SLC12A1: variants seen among roughly 807,000 people sequenced by gnomAD.
SLC12A1 encodes Na-K-2Cl cotransporter.
SLC12A1 carries 89 observed loss-of-function variants against 130.4 expected under a neutral mutation model. The observed-to-expected ratio is 0.68, with a 90% CI of 0.58 to 0.81. SLC12A1 has a LOEUF of 0.81. Ranked by LOEUF, SLC12A1 falls within the 40% of genes least tolerant of loss-of-function variation. The pLI is 0.00. For missense variants in SLC12A1, 1,310 were observed against 1,336.4 expected, an observed-to-expected ratio of 0.98 and a Z score of 0.31; for synonymous variants, 499 against 460.0, an observed-to-expected ratio of 1.08 and a Z score of -1.09.
rs1007696147 is a variant in SLC12A1, at chr15:48,207,526, A to T, written c.-186-8A>T. 1.8e-5 allele frequency: 8 copies of T among 434,468 alleles called. No individual in the cohort carries two copies. The highest frequency in any genetic ancestry group is 3.2e-5 in the Non-Finnish European group (8 of 251,830). 26.9% of individuals were successfully genotyped at this position (434,468 alleles called of 1,614,324 possible). ...TGGAACAAGTTTAATTTTCTTTTTC[A>T]ATGACAGCTTTGAAGAACATCCTGA... On this transcript the variant is annotated splice_polypyrimidine_tract_variant and splice_region_variant and intron_variant, in intron 1 of 26. Transcript: ENST00000380993.
In SLC12A1 at chr15:48,251,775, GATA is replaced by G. The variant is rs1566841777; in HGVS notation, c.1942+8_1942+10del. On this transcript the variant is annotated splice_donor_region_variant and intron_variant, in intron 15 of 26. Transcript: ENST00000380993. ...ATGTGACTTGTAAGAAGCCAGGTAA[GATA>G]ATGACTGTCTGGAATAGCGTTTCCA... 1 of 1,612,806 alleles carries G rather than the reference GATA, an allele frequency of 6.2e-7. No individual in the cohort carries two copies. Among genetic ancestry groups the G allele is most frequent in the Non-Finnish European group, 8.5e-7 (1 of 1,179,154 alleles).
intron 2 of SLC12A1, among the ~76,000 whole-genome samples, chr15:48,219,191 C>T (rs922353657): frequency 6.6e-6 from 1 of 152,196 alleles, no homozygotes; most frequent in Non-Finnish European, 1.5e-5. Context: ...ACATTCTTGT[C>T]ATCATCCAGT....
In SLC12A1 at chr15:48,271,766, G is replaced by A. The variant is rs2041901315; in HGVS notation, c.2402+2002G>A. Among the ~76,000 whole-genome samples, 5 of 152,088 alleles carry A rather than the reference G, an allele frequency of 3.3e-5. No individual in the cohort carries two copies. In the South Asian group the frequency reaches 1.0e-3, roughly 32 times the overall value. ...AGTTCAGTAAGTTAAGGCTAAACCA[G>A]GTGATCGGGATCAGAATTTTACCAG... On this transcript the variant is annotated intron_variant, in intron 19 of 26. Coordinates refer to ENST00000380993, the MANE Select transcript of SLC12A1 (RefSeq NM_000338.3).
chr15:48,220,527 T>C (rs2041198462), intron 2 of SLC12A1, 107 bp from the exon 3 acceptor site: 1 of 1,106,662 alleles, frequency 9.0e-7, no homozygotes, highest in Non-Finnish European at 1.3e-6. Context: ...TGGGGGTTTT[T>C]TGGTATTTTA....
At chr15:48,274,528 A>G (rs1269697745) in intron 19 of SLC12A1, 43 bp from the exon 20 acceptor site, 3 of 1,298,242 alleles carry the variant, frequency 2.3e-6, no homozygotes, top group Non-Finnish European at 3.3e-6. Flanking sequence ...TTGAGGATTA[A>G]AAGAGCCATT....
chr15:48,275,753 T>C lies in SLC12A1; in HGVS notation c.2485+1100T>C, dbSNP rs150789119. Among the ~76,000 whole-genome samples the C allele has an allele frequency of 9.2e-4, 140 of 152,202 alleles. 1 individual carries two copies. The highest frequency in any genetic ancestry group is 3.3e-3 in the African/African-American group (136 of 41,542). On this transcript the variant is annotated intron_variant, in intron 20 of 26. Coordinates refer to ENST00000380993, the MANE Select transcript of SLC12A1 (RefSeq NM_000338.3). ...GAATTGAAAAGTAGGAAGCCGACAA[T>C]AGTAAAATATGGGGCTGCCACTATA...
intron 25 of SLC12A1, among the ~76,000 whole-genome samples, chr15:48,300,279 C>T (rs551787048): frequency 1.0e-4 from 15 of 150,586 alleles, no homozygotes; most frequent in Middle Eastern, 3.4e-3. Context: ...GAGCTGAGCT[C>T]GTGCCACTGT....
chr15:48,250,686 A>ACT (rs927188511), intron 14 of SLC12A1, among the ~76,000 whole-genome samples: 11 of 151,694 alleles, frequency 7.3e-5, no homozygotes, highest in African/African-American at 2.7e-4. Context: ...TCACACACAC[A>ACT]CACACACACA....
At chr15:48,215,219 A>G (rs2041105791) in intron 2 of SLC12A1, among the ~76,000 whole-genome samples, 1 of 152,154 alleles carries the variant, frequency 6.6e-6, no homozygotes, top group Non-Finnish European at 1.5e-5. Flanking sequence ...ATTAAATAAA[A>G]TAATTTAATC....
chr15:48,239,547 T>TAAATA (rs1555466502), intron 9 of SLC12A1, among the ~76,000 whole-genome samples: 78 of 148,558 alleles, frequency 5.3e-4, no homozygotes, highest in Non-Finnish European at 1.8e-4. Flanking sequence ...AATAAATAAA[T>TAAATA]AATAATGTCT....
At chr15:48,247,116 A>T (rs1183401002) in intron 12 of SLC12A1, 100 bp downstream of exon 12, 2 of 1,096,370 alleles carry the variant, frequency 1.8e-6, no homozygotes, top group Admixed American at 1.8e-5. Context: ...ATTTTCCATC[A>T]TTTTCTGAAA....
chr15:48,232,307 A>G (rs560087872), intron 7 of SLC12A1, among the ~76,000 whole-genome samples: 1 of 152,350 alleles, frequency 6.6e-6, no homozygotes, highest in African/African-American at 2.4e-5. Flanking sequence ...TGTATTCATC[A>G]TTCTGCATTC....
chr15:48,227,266 A>C (rs1010934857), intron 5 of SLC12A1: 3 of 969,168 alleles, frequency 3.1e-6, no homozygotes, highest in Non-Finnish European at 4.8e-6. Context: ...ACATATTGCT[A>C]ATTAGTCCCC....
At chr15:48,302,254 A>T (rs192883285) in intron 26 of SLC12A1, among the ~76,000 whole-genome samples, 1 of 152,216 alleles carries the variant, frequency 6.6e-6, no homozygotes, top group Non-Finnish European at 1.5e-5. Context: ...AGATAGTATT[A>T]CCTGAAAAAT....
chr15:48,244,038 T>C lies in SLC12A1; in HGVS notation c.1301-715T>C, dbSNP rs2041548615. On this transcript the variant is annotated intron_variant, in intron 10 of 26. Coordinates refer to ENST00000380993, the MANE Select transcript of SLC12A1 (RefSeq NM_000338.3). The stretch of plus-strand genomic sequence containing the variant: ...CTTCTAAATGACCATAATTCTATTT[T>C]TAAGAATCTATCCTAGAAGAAAAAG... Among the ~76,000 whole-genome samples, 4 of 152,200 alleles carry C rather than the reference T, an allele frequency of 2.6e-5. No individual in the cohort carries two copies. In the South Asian group the frequency reaches 8.3e-4, roughly 32 times the overall value.
Position 48,251,616 on chromosome 15 carries a change from A to T in SLC12A1, c.1788A>T (p.Gly596=). 3 of 1,613,100 alleles carry T rather than the reference A, an allele frequency of 1.9e-6. No individual in the cohort carries two copies. The highest frequency in any genetic ancestry group is 2.5e-6 in the Non-Finnish European group (3 of 1,179,158). ...TCCTTCTGCATATTTTGTTTTCAGG[A>T]TGGAGACCTGCGTATGGAATTTACA... ...CFHASYAKSP[G]WRPAYGIYNM... Residue 596 remains glycine (G), a splice_region_variant and synonymous_variant, in exon 15 of 27, where the codon GGA becomes GGT. Transcript: ENST00000380993.
intron 13 of SLC12A1, among the ~76,000 whole-genome samples, chr15:48,249,165 G>A (rs2041618870): frequency 6.6e-6 from 1 of 152,188 alleles, no homozygotes; most frequent in Admixed American, 6.5e-5. Context: ...TATGCAGGGA[G>A]ATTTCAACTG....
rs769183042 is a variant in SLC12A1 at position 48,246,947 on chromosome 15, T to C, written c.1491T>C (p.Thr497=). The stretch of plus-strand genomic sequence containing the variant: ...TATCAGGGTTCGGCCCCCTCATCAC[T>C]GCGGGAATCTTTTCTGCAACACTCT... ...SMVSGFGPLI[T]AGIFSATLSS... is the part of the protein sequence containing the mutation. The change falls in exon 12 of 27, where the codon ACT becomes ACC. Residue 497 remains threonine (T), a synonymous_variant. Coordinates refer to ENST00000380993, the MANE Select transcript of SLC12A1 (RefSeq NM_000338.3). 3 of 1,614,016 alleles carry C rather than the reference T, an allele frequency of 1.9e-6. No homozygotes were observed. Among genetic ancestry groups the C allele is most frequent in the South Asian group, 2.2e-5 (2 of 91,078 alleles).
At chr15:48,286,486 C>T (rs892804644) in intron 21 of SLC12A1, among the ~76,000 whole-genome samples, 1 of 152,128 alleles carries the variant, frequency 6.6e-6, no homozygotes, top group Non-Finnish European at 1.5e-5. Context: ...AAAAAGTTAA[C>T]AATCCATTAA....
Sources: gnomAD v4.1 joint callset for allele counts (sites outside exome capture counted in the v4.1 genomes callset) on GRCh38, gnomAD v4.1.1 for gene constraint, MANE v1.5 for transcripts, NCBI Gene and HGNC (gene_info 2026-07-23, HGNC 2026-07-21) for gene names.